NEK5: variants seen among roughly 807,000 people sequenced by gnomAD.
NEK5 encodes the protein serine/threonine-protein kinase Nek5.
In NEK5, 88 loss-of-function variants were observed where a neutral mutation model predicts 109.2. The ratio of observed to expected loss-of-function variants is 0.81; its 90% CI spans 0.68 to 0.96. The LOEUF is 0.96. NEK5 is among the 40% of genes least tolerant of loss of function. NEK5 has a pLI of 0.00. For missense variants in NEK5, 834 were observed against 920.7 expected (o/e 0.91, Z 1.22); for synonymous variants, 283 against 299.9 (o/e 0.94, Z 0.58).
chr13:52,127,536 ACGTCT>A, intron 2 of NEK5, 32 bp from the exon 3 acceptor site: 2 of 963,754 alleles, frequency 2.1e-6, no homozygotes, highest in Non-Finnish European at 3.4e-6. Context: ...TTTATCACAC[ACGTCT>A]CATAAAGACT....
chr13:52,119,652 T>TA (rs1316659858), intron 3 of NEK5, among the ~76,000 whole-genome samples: 1 of 152,210 alleles, frequency 6.6e-6, no homozygotes, highest in East Asian at 1.9e-4. Context: ...GAAGTTTTGC[T>TA]ATATTAAAAG....
rs1185832408 is a variant in NEK5, at chr13:52,085,054, C to T, written c.1479+1223G>A. Reference sequence around the variant, plus strand: ...AAAGTATGAACGTGATATGGTTTGGCTCTGTATCCCCACCCAAATCTCACC... The same window carrying T: ...AAAGTATGAACGTGATATGGTTTGGTTCTGTATCCCCACCCAAATCTCACC... On this transcript the variant is annotated intron_variant, in intron 16 of 23. Transcript: ENST00000684899. Among the ~76,000 whole-genome samples, 3 of 152,162 alleles carry T rather than the reference C, an allele frequency of 2.0e-5. No homozygotes were observed. The East Asian group carries it at 5.8e-4, about 29-fold the overall frequency.
chr13:52,073,231 T>G (rs992237516), intron 19 of NEK5, among the ~76,000 whole-genome samples: 69 of 152,074 alleles, frequency 4.5e-4, no homozygotes, highest in African/African-American at 1.4e-3. Context: ...AATGTAATAA[T>G]TTATCTAAAG....
At chr13:52,128,496 G>A (rs1343774773) in intron 1 of NEK5, among the ~76,000 whole-genome samples, 2 of 152,162 alleles carry the variant, frequency 1.3e-5, no homozygotes, top group Non-Finnish European at 2.9e-5. Context: ...GCTACAGTTA[G>A]GGCATAATAC....
chr13:52,055,410 C>T (rs1413679338), intron 22 of NEK5, among the ~76,000 whole-genome samples: 1 of 152,110 alleles, frequency 6.6e-6, no homozygotes, highest in East Asian at 1.9e-4. Flanking sequence ...CCCAATCTAG[C>T]AAGGCAGGCC....
intron 23 of NEK5, among the ~76,000 whole-genome samples, chr13:52,045,215 T>C (rs1171300075): frequency 7.0e-6 from 1 of 143,856 alleles, no homozygotes; most frequent in Non-Finnish European, 1.5e-5. Context: ...CTGCAAGCTC[T>C]GCCTCCCCGG....
chr13:52,070,260 G>A (rs1023248135), intron 20 of NEK5, among the ~76,000 whole-genome samples: 1 of 152,190 alleles, frequency 6.6e-6, no homozygotes, highest in African/African-American at 2.4e-5. Flanking sequence ...GTGGGTCACA[G>A]CAGAATTAGG....
intron 16 of NEK5, among the ~76,000 whole-genome samples, chr13:52,083,615 C>A (rs1405116455): frequency 1.3e-5 from 2 of 151,912 alleles, no homozygotes; most frequent in Non-Finnish European, 2.9e-5. Context: ...TGGCTCACTG[C>A]AAGCTCTGCC....
chr13:52,065,062 A>G (rs1011127285), intron 21 of NEK5: 9 of 242,092 alleles, frequency 3.7e-5, no homozygotes, highest in Admixed American at 5.0e-5. Context: ...TCCCTCCACT[A>G]TTGTCCTATG....
At chr13:52,072,390 C>G (rs1489537462) in intron 19 of NEK5, among the ~76,000 whole-genome samples, 1 of 152,194 alleles carries the variant, frequency 6.6e-6, no homozygotes, top group East Asian at 1.9e-4. Context: ...TCATTCATGC[C>G]CTGTTTTAAG....
At chr13:52,098,176 T>C (rs1207581807) in intron 12 of NEK5, among the ~76,000 whole-genome samples, 2 of 152,052 alleles carry the variant, frequency 1.3e-5, no homozygotes, top group African/African-American at 4.8e-5. Flanking sequence ...TATAGTAGTA[T>C]GAGAACAGAC....
intron 21 of NEK5, among the ~76,000 whole-genome samples, chr13:52,064,388 G>A (rs865884372): frequency 0.012 from 1,783 of 142,810 alleles, 51 homozygotes; most frequent in African/African-American, 0.044. Flanking sequence ...CAGCCGCCCC[G>A]TCCGGGAGGT....
chr13:52,051,847 A>G (rs1399519233), intron 22 of NEK5, among the ~76,000 whole-genome samples: 3 of 152,184 alleles, frequency 2.0e-5, no homozygotes. Context: ...TTTACCCTAA[A>G]ACAATTCTGT....
At position 52,067,037 on chromosome 13, in the gene NEK5, C is replaced by T. The variant is rs193144310; in HGVS notation, c.1850-1428G>A. ...CATTTGTGCTGAATTATGATACATA[C>T]TAGGATCTGTTTCTAACTTTCTCTT... On this transcript the variant is annotated intron_variant, in intron 20 of 23. Transcript: ENST00000684899. Among the ~76,000 whole-genome samples the T allele has an allele frequency of 2.0e-5, 3 of 152,202 alleles. No homozygotes were observed. The East Asian group carries it at 5.8e-4, about 29-fold the overall frequency.
intron 13 of NEK5, among the ~76,000 whole-genome samples, chr13:52,091,911 AAT>A (rs1446857771): frequency 6.6e-6 from 1 of 152,220 alleles, no homozygotes; most frequent in African/African-American, 2.4e-5. Flanking sequence ...TGCCGAATGA[AAT>A]ATATCTTATT....
intron 23 of NEK5, among the ~76,000 whole-genome samples, chr13:52,049,474 T>C (rs183647234): frequency 1.2e-4 from 19 of 152,066 alleles, no homozygotes; most frequent in African/African-American, 4.1e-4. Flanking sequence ...ATCCCAAATA[T>C]GCCAATTCCC....
intron 20 of NEK5, among the ~76,000 whole-genome samples, chr13:52,065,879 T>G (rs749114332): frequency 1.3e-5 from 2 of 152,246 alleles, no homozygotes; most frequent in Admixed American, 6.5e-5. Context: ...GAGGCATCTA[T>G]GAGAACTTTC....
intron 19 of NEK5, among the ~76,000 whole-genome samples, chr13:52,074,113 T>C (rs1954826577): frequency 6.6e-6 from 1 of 151,708 alleles, no homozygotes; most frequent in Admixed American, 6.6e-5. Flanking sequence ...TTTCACAGGA[T>C]TGGAGAAAAA....
At chr13:52,128,142 A>C (rs1956105131) in intron 1 of NEK5, among the ~76,000 whole-genome samples, 1 of 152,252 alleles carries the variant, frequency 6.6e-6, no homozygotes, top group South Asian at 2.1e-4. Flanking sequence ...GCTAGAACCA[A>C]ACTCTATTTT....
Sources: allele counts gnomAD v4.1 joint callset (sites outside exome capture counted in the v4.1 genomes callset), GRCh38; gene constraint gnomAD v4.1.1; transcripts MANE v1.5; gene names NCBI Gene and HGNC (gene_info 2026-07-23, HGNC 2026-07-21).